CMSS1: variants seen among roughly 807,000 people sequenced by gnomAD.
The protein encoded by CMSS1 is protein CMSS1.
A neutral mutation model predicts 43.5 loss-of-function variants in CMSS1; 33 were observed. The observed-to-expected ratio is 0.76, with a 90% CI of 0.57 to 1.01. CMSS1 has a LOEUF of 1.01. CMSS1 is among the 50% of genes least tolerant of loss of function. The pLI is 0.00. For synonymous variants in CMSS1, 115 were observed against 117.2 expected (o/e 0.98, Z 0.12); for missense variants, 313 against 326.4 (o/e 0.96, Z 0.32).
At chr3:100,002,316 A>C (rs536134899) in intron 1 of CMSS1, among the ~76,000 whole-genome samples, 1 of 152,336 alleles carries the variant, frequency 6.6e-6, no homozygotes, top group South Asian at 2.1e-4. Flanking sequence ...CTTGTTGTTC[A>C]AAACATTCTC....
At chr3:99,986,700 G>T (rs1002695149) in intron 1 of CMSS1, among the ~76,000 whole-genome samples, 3 of 152,142 alleles carry the variant, frequency 2.0e-5, no homozygotes, top group African/African-American at 7.2e-5. Flanking sequence ...GGAGGAGAAT[G>T]GTTCTTCCTC....
chr3:99,950,684 C>A (rs1241104893), intron 1 of CMSS1, among the ~76,000 whole-genome samples: 1 of 152,180 alleles, frequency 6.6e-6, no homozygotes, highest in Non-Finnish European at 1.5e-5. Context: ...GGAATGGAGG[C>A]AGCCCACGAT....
At chr3:99,888,695 A>G (rs968625287) in intron 1 of CMSS1, among the ~76,000 whole-genome samples, 6 of 152,286 alleles carry the variant, frequency 3.9e-5, no homozygotes, top group African/African-American at 1.4e-4. Context: ...ATCTTCTTAG[A>G]CTGCTTTTTG....
chr3:100,158,760 A>G (rs949407731), intron 2 of CMSS1, among the ~76,000 whole-genome samples: 4 of 152,240 alleles, frequency 2.6e-5, no homozygotes, highest in Non-Finnish European at 4.4e-5. Context: ...TTTTTCTCCC[A>G]GAATTAAAGA....
chr3:99,866,284 A>T (rs1305209739), intron 1 of CMSS1, among the ~76,000 whole-genome samples: 1 of 152,112 alleles, frequency 6.6e-6, no homozygotes, highest in Non-Finnish European at 1.5e-5. Context: ...ACCAGAATGG[A>T]TAAGTTCACT....
intron 1 of CMSS1, among the ~76,000 whole-genome samples, chr3:100,050,383 A>G (rs1416222600): frequency 1.3e-5 from 2 of 152,208 alleles, no homozygotes; most frequent in Admixed American, 1.3e-4. Context: ...CTCAGTATGA[A>G]AATTTTAAAT....
At chr3:100,128,953 G>A (rs1331175221) in intron 1 of CMSS1, among the ~76,000 whole-genome samples, 1 of 152,136 alleles carries the variant, frequency 6.6e-6, no homozygotes, top group East Asian at 1.9e-4. Flanking sequence ...CTATCATAGA[G>A]TAAAATTGGC....
At chr3:100,100,743 T>C (rs2066289448) in intron 1 of CMSS1, among the ~76,000 whole-genome samples, 3 of 152,190 alleles carry the variant, frequency 2.0e-5, no homozygotes. Context: ...AGAAATAGCA[T>C]CACTAAGATA....
chr3:99,980,647 A>C (rs1709094073), intron 1 of CMSS1, among the ~76,000 whole-genome samples: 3 of 152,202 alleles, frequency 2.0e-5, no homozygotes, highest in Non-Finnish European at 4.4e-5. Context: ...TTGAGGGCTT[A>C]TGGTAGTATC....
chr3:100,080,498 T>G (rs2107402189), intron 1 of CMSS1, among the ~76,000 whole-genome samples: 1 of 152,214 alleles, frequency 6.6e-6, no homozygotes, highest in South Asian at 2.1e-4. Context: ...GGGCCCAGGA[T>G]CTGAATTTAG....
intron 1 of CMSS1, among the ~76,000 whole-genome samples, chr3:99,926,798 C>G (rs1382441783): frequency 6.6e-6 from 1 of 152,170 alleles, no homozygotes; most frequent in African/African-American, 2.4e-5. Context: ...TCCACTCTTG[C>G]TTTCCATTGT....
intron 2 of CMSS1, among the ~76,000 whole-genome samples, chr3:100,159,594 C>T (rs1206033153): frequency 6.6e-6 from 1 of 152,170 alleles, no homozygotes; most frequent in Non-Finnish European, 1.5e-5. Flanking sequence ...TTATATCTTA[C>T]TTGGCAACTT....
chr3:100,054,486 TGTTTTGTTA>T (rs2065427668), intron 1 of CMSS1, among the ~76,000 whole-genome samples: 3 of 140,762 alleles, frequency 2.1e-5, no homozygotes, highest in Non-Finnish European at 4.6e-5. Flanking sequence ...TATTATGTTA[TGTTTTGTTA>T]TGTTATGTTA....
chr3:99,864,240 C>A (rs79098076), intron 1 of CMSS1, among the ~76,000 whole-genome samples: 6,367 of 152,048 alleles, frequency 0.042, 178 homozygotes, highest in Middle Eastern at 0.092. Context: ...AAAACTGAGG[C>A]CCAGGCAGAT....
chr3:100,110,400 T>TTTGC (rs1462916358), intron 1 of CMSS1, among the ~76,000 whole-genome samples: 3 of 152,098 alleles, frequency 2.0e-5, no homozygotes, highest in African/African-American at 7.2e-5. Context: ...AGAAGCAGCT[T>TTTGC]TATCCCGTTT....
At chr3:100,124,801 A>G (rs1166125722) in intron 1 of CMSS1, among the ~76,000 whole-genome samples, 1 of 152,170 alleles carries the variant, frequency 6.6e-6, no homozygotes, top group Non-Finnish European at 1.5e-5. Flanking sequence ...GTCTAGTAGC[A>G]GCAGCAGTTG....
chr3:99,887,261 C>G (rs918678224), intron 1 of CMSS1, among the ~76,000 whole-genome samples: 1 of 151,326 alleles, frequency 6.6e-6, no homozygotes, highest in African/African-American at 2.4e-5. Flanking sequence ...CAGCAAAACT[C>G]CATCTCAAAA....
intron 1 of CMSS1, among the ~76,000 whole-genome samples, chr3:100,105,365 A>G (rs1159436817): frequency 2.0e-5 from 3 of 152,180 alleles, no homozygotes; most frequent in Non-Finnish European, 4.4e-5. Flanking sequence ...TTTTAGACAC[A>G]TATTTCTCAC....
At position 100,171,836 on chromosome 3, in the gene CMSS1, T is replaced by C. The variant is rs777705484; in HGVS notation, c.519-3T>C. On this transcript the variant is annotated splice_polypyrimidine_tract_variant and splice_region_variant and intron_variant, in intron 6 of 9. Coordinates refer to ENST00000421999, the MANE Select transcript of CMSS1 (RefSeq NM_032359.4). The stretch of plus-strand genomic sequence containing the variant: ...TAAGCATTCACCTGCTTCTTTTCAT[T>C]AGGTCGATGACAGCATTCAGAGGAG... The C allele has an allele frequency of 1.4e-5, 22 of 1,613,596 alleles. No homozygotes were observed. Among genetic ancestry groups the C allele is most frequent in the Non-Finnish European group, 1.8e-5 (21 of 1,179,696 alleles).
Sources: gnomAD v4.1 joint callset for allele counts (sites outside exome capture counted in the v4.1 genomes callset) on GRCh38, gnomAD v4.1.1 for gene constraint, MANE v1.5 for transcripts, NCBI Gene and HGNC (gene_info 2026-07-23, HGNC 2026-07-21) for gene names.